The following LARP1 variants were observed in gnomAD, a reference collection of about 807,000 sequenced individuals.
LARP1 encodes la-related protein 1.
Under a neutral mutation model 122.7 loss-of-function variants are expected in LARP1, and 36 were observed. That is an observed-to-expected ratio of 0.29 (90% CI 0.22 to 0.39). LARP1 has a LOEUF of 0.39. Among genes scored for constraint, LARP1 ranks in the 10% least tolerant of loss-of-function variants. LARP1 has a pLI of 1.00. For missense variants in LARP1, 1,040 were observed against 1,403.6 expected, an observed-to-expected ratio of 0.74 and a Z score of 4.14; for synonymous variants, 539 against 528.7, an observed-to-expected ratio of 1.02 and a Z score of -0.27.
chr5:154,794,042 G>C, intron 6 of LARP1, 42 bp downstream of exon 6: 5 of 1,610,652 alleles, frequency 3.1e-6, no homozygotes, highest in Non-Finnish European at 4.2e-6. Flanking sequence ...CCAAGGGTGT[G>C]CAGCAGGGGT....
intron 1 of LARP1, among the ~76,000 whole-genome samples, chr5:154,727,656 C>T (rs1268049407): frequency 6.6e-6 from 1 of 151,976 alleles, no homozygotes; most frequent in East Asian, 1.9e-4. Flanking sequence ...TGTGTTCTCA[C>T]AAAAATAATG....
intron 1 of LARP1, among the ~76,000 whole-genome samples, chr5:154,785,309 A>G (rs945854448): frequency 6.6e-6 from 1 of 152,182 alleles, no homozygotes; most frequent in African/African-American, 2.4e-5. Flanking sequence ...AATTGAACCA[A>G]TTAATCACCC....
rs886862087 is a variant in LARP1 at position 154,803,969 on chromosome 5, C to G, written c.2439+224C>G. 7.9e-5 allele frequency among the ~76,000 whole-genome samples: 12 copies of G among 152,142 alleles called. No homozygotes were observed. Among genetic ancestry groups the G allele is most frequent in the Non-Finnish European group, 1.5e-4 (10 of 68,032 alleles). ...TGTTGAAAGGCCTAAGGAGGATTGACCAGGTATGAGTCCTTGGGCAAATCA... is the reference window on the plus strand; with the variant it reads ...TGTTGAAAGGCCTAAGGAGGATTGAGCAGGTATGAGTCCTTGGGCAAATCA... On this transcript the variant is annotated intron_variant, in intron 13 of 18. Transcript: ENST00000518297. The surrounding 1 kb of genome is among the most constrained non-coding windows in gnomAD (Gnocchi z 4.4).
At chr5:154,793,462 G>A (rs1757496683) in intron 4 of LARP1, 133 bp from the exon 5 acceptor site, 1 of 1,114,758 alleles carries the variant, frequency 9.0e-7, no homozygotes, top group East Asian at 2.4e-5. Flanking sequence ...TAATGTGTGG[G>A]AAAGGGATCT....
chr5:154,785,286 T>A (rs1169184673), intron 1 of LARP1, among the ~76,000 whole-genome samples: 2 of 152,190 alleles, frequency 1.3e-5, no homozygotes, highest in African/African-American at 4.8e-5. Flanking sequence ...TCATTTGCAG[T>A]CTGGACTGTA....
At chr5:154,683,099 C>G (rs1274911540) in intron 1 of LARP1, among the ~76,000 whole-genome samples, 1 of 152,200 alleles carries the variant, frequency 6.6e-6, no homozygotes, top group African/African-American at 2.4e-5. Context: ...GGCCCTTTCC[C>G]GGAGAGGCCT....
At chr5:154,691,508 G>A (rs1169194271) in intron 1 of LARP1, among the ~76,000 whole-genome samples, 8 of 152,190 alleles carry the variant, frequency 5.3e-5, no homozygotes, top group Admixed American at 5.2e-4. Context: ...CGCGGGGTCC[G>A]CGGGTGGCGG....
At position 154,795,314 on chromosome 5, in the gene LARP1, T is replaced by C. The variant is rs1757662484; in HGVS notation, c.1372T>C (p.Phe458Leu). 1.2e-6 allele frequency: 2 copies of C among 1,613,802 alleles called. No homozygotes were observed. Among genetic ancestry groups the C allele is most frequent in the African/African-American group, 1.3e-5 (1 of 74,904 alleles). The part of the protein sequence containing the change: ...QALTTDISLI[F>L]AALKDSKVVE... ...CCTTACCACTGACATTTCACTCATC[T>C]TTGCGGTATGTCTTCCTCCCTGGAG... Residue 458 changes from phenylalanine (F) to leucine (L), a missense_variant, in exon 8 of 19, where the codon TTT becomes CTT. By Grantham distance (22) the Phe-to-Leu change is conservative. Around this residue, in one of 8 missense-constraint regions of LARP1, gnomAD observed 362 missense variants for 533.1 expected, o/e 0.68. Transcript: ENST00000518297.
chr5:154,694,251 T>G (rs1287562828), intron 1 of LARP1, among the ~76,000 whole-genome samples: 1 of 152,170 alleles, frequency 6.6e-6, no homozygotes, highest in Non-Finnish European at 1.5e-5. Flanking sequence ...GTTTTTATTT[T>G]TATCATATTT....
intron 1 of LARP1, among the ~76,000 whole-genome samples, chr5:154,780,597 C>T (rs1379507586): frequency 6.6e-6 from 1 of 152,222 alleles, no homozygotes; most frequent in Admixed American, 6.5e-5. Context: ...TTTGGCCTCT[C>T]CTGGTCCTCA....
In LARP1 at chr5:154,755,611, G is replaced by T. The variant is rs1364709580; in HGVS notation, c.-147G>T. 3 of 987,366 alleles carry T rather than the reference G, an allele frequency of 3.0e-6. No individual in the cohort carries two copies. Among genetic ancestry groups the T allele is most frequent in the Admixed American group, 1.2e-4 (2 of 16,268 alleles). 61.2% of individuals were successfully genotyped at this position (987,366 alleles called of 1,614,324 possible). A position where few individuals can be genotyped will look rare whatever the true frequency, so the allele number is the denominator to read the frequency against. On this transcript the variant is annotated 5_prime_UTR_variant, in exon 1 of 19. Coordinates refer to ENST00000518297, the MANE Select transcript of LARP1 (RefSeq NM_033551.3). The stretch of plus-strand genomic sequence containing the variant: ...GGCTGCATCTAACTGGGAGGGGGCC[G>T]CACCTCGCGTGAACCCCGACCCTTC...
At chr5:154,706,790 G>C (rs1025279931) in intron 1 of LARP1, among the ~76,000 whole-genome samples, 3 of 150,726 alleles carry the variant, frequency 2.0e-5, no homozygotes, top group African/African-American at 7.3e-5. Context: ...CAATAAAGTA[G>C]GGACTTGTCT....
intron 1 of LARP1, chr5:154,757,062 G>C (rs902637546): frequency 9.4e-5 from 14 of 148,624 alleles, no homozygotes; most frequent in African/African-American, 3.4e-4. Flanking sequence ...TGCGGGCCGC[G>C]GCGCTGGGGG....
chr5:154,732,244 T>A (rs895285591), intron 1 of LARP1, among the ~76,000 whole-genome samples: 1 of 150,286 alleles, frequency 6.7e-6, no homozygotes, highest in Non-Finnish European at 1.5e-5. Context: ...ATTTACCAAT[T>A]ATAGTCTGAA....
chr5:154,800,190 G>A, intron 10 of LARP1, 148 bp downstream of exon 10: 1 of 722,498 alleles, frequency 1.4e-6, no homozygotes, highest in Non-Finnish European at 2.2e-6. Context: ...GAAGTTACCA[G>A]TAGTGGCTAC....
rs111570898 is a variant in LARP1 at position 154,747,696 on chromosome 5, G to A, written c.205+34566G>A. The stretch of plus-strand genomic sequence containing the variant: ...GCCTGGGCAACAAAAGCGAAAATCC[G>A]TCTCAAAAAAAGCAAAAATTAGCCA... On this transcript the variant is annotated intron_variant, in intron 1 of 18. Transcript: ENST00000336314. 1.3e-3 allele frequency among the ~76,000 whole-genome samples: 190 copies of A among 151,136 alleles called. 1 individual carries two copies. Among genetic ancestry groups the A allele is most frequent in the East Asian group, 4.9e-3 (25 of 5,108 alleles).
intron 14 of LARP1, chr5:154,804,979 C>G (rs1758644710): frequency 2.2e-6 from 1 of 452,568 alleles, no homozygotes; most frequent in African/African-American, 2.0e-5. Flanking sequence ...TAACTTTTGA[C>G]TCTCCAAAAG....
intron 1 of LARP1, among the ~76,000 whole-genome samples, chr5:154,769,309 G>A (rs1295446552): frequency 1.3e-5 from 2 of 152,206 alleles, no homozygotes; most frequent in African/African-American, 4.8e-5. Flanking sequence ...GGCTCTTGTA[G>A]GCCCTTGAGT....
At chr5:154,750,256 A>G (rs533383398) in intron 1 of LARP1, among the ~76,000 whole-genome samples, 3 of 152,298 alleles carry the variant, frequency 2.0e-5, no homozygotes, top group South Asian at 2.1e-4. Context: ...TGGTGCAATC[A>G]TGGCTCACTG....
Sources: allele counts gnomAD v4.1 joint callset (sites outside exome capture counted in the v4.1 genomes callset), GRCh38; gene constraint gnomAD v4.1.1; regional missense constraint gnomAD v4.1.1; non-coding constraint Gnocchi (gnomAD v3.1); transcripts MANE v1.5; gene names NCBI Gene and HGNC (gene_info 2026-07-23, HGNC 2026-07-21).